LRRC20: variants seen among roughly 807,000 people sequenced by gnomAD.
LRRC20 encodes leucine-rich repeat-containing protein 20.
LRRC20 carries 11 observed loss-of-function variants against 14.4 expected under a neutral mutation model. That is an observed-to-expected ratio of 0.77 (90% CI 0.48 to 1.27). The LOEUF (loss-of-function observed/expected upper bound fraction) is 1.27, where lower values mean the gene tolerates loss of function less well. Among genes scored for constraint, LRRC20 ranks in the 50% most tolerant of loss-of-function variants. The pLI, the probability that LRRC20 is intolerant of heterozygous loss-of-function variation, is 0.00. For synonymous variants in LRRC20, 121 were observed against 107.3 expected (o/e 1.13, Z -0.79); for missense variants, 219 against 251.2 (o/e 0.87, Z 0.87).
intron 3 of LRRC20, 111 bp downstream of exon 3, chr10:70,340,442 C>A: frequency 7.7e-7 from 1 of 1,298,712 alleles, no homozygotes; most frequent in Non-Finnish European, 1.1e-6. Flanking sequence ...GGAATGATTT[C>A]ATGGGTGTCG....
At chr10:70,374,349 G>A (rs1204902584) in intron 2 of LRRC20, among the ~76,000 whole-genome samples, 4 of 91,520 alleles carry the variant, frequency 4.4e-5, no homozygotes, top group Non-Finnish European at 6.3e-5. Flanking sequence ...CCCCTGTGAA[G>A]CCTTTTTTTT....
chr10:70,347,841 A>AAC (rs201375895), intron 2 of LRRC20, among the ~76,000 whole-genome samples: 278 of 151,332 alleles, frequency 1.8e-3, no homozygotes, highest in African/African-American at 6.3e-3. Flanking sequence ...AAACCCAAAA[A>AAC]ACACACACAC....
At chr10:70,337,947 C>T (rs553520563) in intron 3 of LRRC20, among the ~76,000 whole-genome samples, 4 of 152,202 alleles carry the variant, frequency 2.6e-5, no homozygotes, top group African/African-American at 9.6e-5. Flanking sequence ...TTCTGAGGGC[C>T]CGGACAGCCC....
rs372189083 is a variant in LRRC20, at chr10:70,318,520, G to A, written c.400+5343C>T. Among the ~76,000 whole-genome samples the A allele has an allele frequency of 2.8e-4, 42 of 152,280 alleles. 1 individual carries two copies. The highest frequency in any genetic ancestry group is 1.0e-3 in the African/African-American group (42 of 41,588). ...TGTAATCCCAGCAATTTGGGAGGCCGAGGCGGGCAGATCGCTTGAGCTTAG... is the reference window on the plus strand; with the variant it reads ...TGTAATCCCAGCAATTTGGGAGGCCAAGGCGGGCAGATCGCTTGAGCTTAG... On this transcript the variant is annotated intron_variant, in intron 4 of 4. Transcript: ENST00000446961.
chr10:70,313,184 C>T (rs1184328039), intron 4 of LRRC20, among the ~76,000 whole-genome samples: 1 of 152,226 alleles, frequency 6.6e-6, no homozygotes, highest in Non-Finnish European at 1.5e-5. Flanking sequence ...ACGGCTGGGC[C>T]CATGCCTGAC....
chr10:70,339,586 G>A (rs570649507), intron 3 of LRRC20, among the ~76,000 whole-genome samples: 25 of 152,228 alleles, frequency 1.6e-4, no homozygotes, highest in Admixed American at 3.9e-4. Flanking sequence ...GTTCACAAAC[G>A]TACAACAGGC....
At chr10:70,345,274 C>T (rs1228482956) in intron 2 of LRRC20, among the ~76,000 whole-genome samples, 3 of 151,996 alleles carry the variant, frequency 2.0e-5, no homozygotes, top group Non-Finnish European at 4.4e-5. Context: ...GTCAGAATAA[C>T]CCCTTAACAA....
rs539577905 is a variant in LRRC20, at chr10:70,304,019, T to C, written c.401-2511A>G. Among the ~76,000 whole-genome samples the C allele has an allele frequency of 2.0e-5, 3 of 152,314 alleles. No individual in the cohort carries two copies. In the East Asian group the frequency reaches 5.8e-4, roughly 29 times the overall value. Reference sequence around the variant, plus strand: ...TGGTTAATTTTATGTTATGTGAATTTCGCCTCAGTTTTTTTTTTAAAGGAC... The same window carrying C: ...TGGTTAATTTTATGTTATGTGAATTCCGCCTCAGTTTTTTTTTTAAAGGAC... On this transcript the variant is annotated intron_variant, in intron 4 of 4. Transcript: ENST00000446961.
At chr10:70,317,190 G>A (rs1206565808) in intron 4 of LRRC20, among the ~76,000 whole-genome samples, 1 of 152,200 alleles carries the variant, frequency 6.6e-6, no homozygotes, top group Admixed American at 6.5e-5. Context: ...ACTTGAATGT[G>A]GAAAGTGGTC....
intron 2 of LRRC20, among the ~76,000 whole-genome samples, chr10:70,360,280 T>C (rs1167915434): frequency 6.6e-6 from 1 of 152,156 alleles, no homozygotes; most frequent in Non-Finnish European, 1.5e-5. Context: ...TGGTCTCAAA[T>C]ACCTGGCCTC....
At chr10:70,354,027 T>C (rs1843428755) in intron 2 of LRRC20, among the ~76,000 whole-genome samples, 1 of 152,168 alleles carries the variant, frequency 6.6e-6, no homozygotes, top group Non-Finnish European at 1.5e-5. Flanking sequence ...GGACCTTGGG[T>C]CCTTATGCCC....
intron 2 of LRRC20, among the ~76,000 whole-genome samples, chr10:70,361,455 C>A (rs1009512560): frequency 6.6e-6 from 1 of 152,220 alleles, no homozygotes; most frequent in Non-Finnish European, 1.5e-5. Flanking sequence ...GAGCAGGTAA[C>A]TGAGGCAGGG....
At chr10:70,358,774 G>A (rs950630860) in intron 2 of LRRC20, among the ~76,000 whole-genome samples, 2 of 152,102 alleles carry the variant, frequency 1.3e-5, no homozygotes, top group African/African-American at 4.8e-5. Flanking sequence ...TTGTCTTAGC[G>A]TGGGACCTGG....
intron 4 of LRRC20, among the ~76,000 whole-genome samples, chr10:70,315,722 C>A (rs1841826839): frequency 6.6e-6 from 1 of 152,198 alleles, no homozygotes; most frequent in Non-Finnish European, 1.5e-5. Flanking sequence ...TGTCCCATGA[C>A]CTCACCCTGC....
chr10:70,331,440 A>T (rs907643635), intron 3 of LRRC20, among the ~76,000 whole-genome samples: 16 of 152,114 alleles, frequency 1.1e-4, no homozygotes, highest in Admixed American at 7.9e-4. Flanking sequence ...TGTTGTTTCC[A>T]GTTCAGAGGA....
At chr10:70,353,464 C>T (rs1215333522) in intron 2 of LRRC20, among the ~76,000 whole-genome samples, 1 of 152,160 alleles carries the variant, frequency 6.6e-6, no homozygotes, top group Admixed American at 6.5e-5. Context: ...GTCACCCAGG[C>T]TGGAGTGCAG....
At chr10:70,372,938 A>T (rs1398351647) in intron 2 of LRRC20, among the ~76,000 whole-genome samples, 1 of 13,310 alleles carries the variant, frequency 7.5e-5, no homozygotes. Flanking sequence ...CCCCATCTCT[A>T]CTAAAAAAAA....
chr10:70,350,238 C>G (rs1381468960), intron 2 of LRRC20, among the ~76,000 whole-genome samples: 1 of 152,194 alleles, frequency 6.6e-6, no homozygotes, highest in South Asian at 2.1e-4. Flanking sequence ...TCCCTAGCAG[C>G]CCCAGCCACT....
Position 70,309,453 on chromosome 10 carries a change from C to G in LRRC20, c.401-7945G>C, listed in dbSNP as rs576174364. ...AGAGCCCATACACTTCAACACACAA[C>G]GCAGAGGGGCAAGGCCAAGGCCAGA... On this transcript the variant is annotated intron_variant, in intron 4 of 4. Transcript: ENST00000446961. 2.6e-5 allele frequency among the ~76,000 whole-genome samples: 4 copies of G among 152,348 alleles called. 1 individual carries two copies. In the East Asian group the frequency reaches 7.7e-4, roughly 29 times the overall value.
Sources: gnomAD v4.1 joint callset for allele counts (sites outside exome capture counted in the v4.1 genomes callset) on GRCh38, gnomAD v4.1.1 for gene constraint, MANE v1.5 for transcripts, NCBI Gene and HGNC (gene_info 2026-07-23, HGNC 2026-07-21) for gene names.